Variants in NRXN3 observed in about 807,000 individuals in gnomAD.
NRXN3 encodes neurexin III.
Under a neutral mutation model 137.6 loss-of-function variants are expected in NRXN3, and 32 were observed. That is an observed-to-expected ratio of 0.23 (90% CI 0.18 to 0.31). The LOEUF is 0.31. Ranked by LOEUF, NRXN3 falls within the 10% of genes least tolerant of loss-of-function variation. The pLI is 1.00. For missense variants in NRXN3, 1,574 were observed against 2,062.5 expected, an observed-to-expected ratio of 0.76 and a Z score of 4.59; for synonymous variants, 798 against 784.5, an observed-to-expected ratio of 1.02 and a Z score of -0.29.
intron 15 of NRXN3, among the ~76,000 whole-genome samples, chr14:79,460,736 C>T (rs1600639517): frequency 6.6e-6 from 1 of 152,172 alleles, no homozygotes; most frequent in East Asian, 1.9e-4. Context: ...AGGGAGGGAA[C>T]CCTCACCTTG....
chr14:79,182,489 A>G (rs574285288), intron 15 of NRXN3, among the ~76,000 whole-genome samples: 2 of 152,166 alleles, frequency 1.3e-5, no homozygotes, highest in East Asian at 3.9e-4. Flanking sequence ...CCTAGTATGC[A>G]CAGTTCACAA....
At chr14:79,420,441 G>T (rs1040563212) in intron 15 of NRXN3, among the ~76,000 whole-genome samples, 1 of 152,040 alleles carries the variant, frequency 6.6e-6, no homozygotes, top group African/African-American at 2.4e-5. Context: ...ACTCCCACAT[G>T]CTTAGTGTTC....
At chr14:78,687,164 T>C (rs1161216166) in intron 6 of NRXN3, among the ~76,000 whole-genome samples, 1 of 152,060 alleles carries the variant, frequency 6.6e-6, no homozygotes, top group Non-Finnish European at 1.5e-5. Context: ...AAGAACAAAT[T>C]AGGGAAGGTC....
rs560245390 is a variant in NRXN3 at position 78,869,494 on chromosome 14, TCTC to T, written c.2275+59153_2275+59155del. On this transcript the variant is annotated intron_variant, in intron 10 of 20. Coordinates refer to ENST00000335750, the MANE Select transcript of NRXN3 (RefSeq NM_001330195.2). Reference sequence around the variant, plus strand: ...ACTTATGTTTCTCTGTGGTCTGGCTTCTCCTTACCTGTGCCACCTCCTCTCATG... The same window carrying T: ...ACTTATGTTTCTCTGTGGTCTGGCTTCTTACCTGTGCCACCTCCTCTCATG... 2.1e-3 allele frequency among the ~76,000 whole-genome samples: 315 copies of T among 152,260 alleles called. 1 individual carries two copies. The highest frequency in any genetic ancestry group is 3.3e-3 in the Non-Finnish European group (223 of 68,016).
At chr14:78,723,994 A>C (rs1222713974) in intron 8 of NRXN3, among the ~76,000 whole-genome samples, 1 of 152,258 alleles carries the variant, frequency 6.6e-6, no homozygotes, top group African/African-American at 2.4e-5. Flanking sequence ...GAATTGCATT[A>C]AAATGATCTG....
intron 1 of NRXN3, among the ~76,000 whole-genome samples, chr14:78,220,569 G>A (rs1287828545): frequency 1.3e-5 from 2 of 152,136 alleles, no homozygotes; most frequent in Non-Finnish European, 2.9e-5. Flanking sequence ...GATGAGTTTT[G>A]ATGGAGAAAA....
intron 15 of NRXN3, among the ~76,000 whole-genome samples, chr14:79,422,563 C>T (rs887561363): frequency 1.8e-4 from 27 of 151,996 alleles, no homozygotes; most frequent in African/African-American, 6.5e-4. Context: ...TGTAGAGCCA[C>T]ATAAGAAGGT....
chr14:79,814,290 C>A (rs1047925389), intron 20 of NRXN3, among the ~76,000 whole-genome samples: 1 of 152,212 alleles, frequency 6.6e-6, no homozygotes, highest in African/African-American at 2.4e-5. Context: ...TCTGTCTTGC[C>A]ATCTTGTCTT....
chr14:79,103,130 A>G (rs2051669836), intron 15 of NRXN3, among the ~76,000 whole-genome samples: 1 of 152,168 alleles, frequency 6.6e-6, no homozygotes, highest in Non-Finnish European at 1.5e-5. Flanking sequence ...CCTTGCTGCA[A>G]AAGTAAATGG....
At chr14:78,450,051 T>C (rs6574446) in intron 4 of NRXN3, among the ~76,000 whole-genome samples, 15,790 of 152,180 alleles carry the variant, frequency 0.1, 1,134 homozygotes, top group African/African-American at 0.19. Flanking sequence ...CTGAGGCATA[T>C]GGAAAGCTCA....
At chr14:78,254,938 C>T (rs767096529) in intron 2 of NRXN3, among the ~76,000 whole-genome samples, 28 of 151,754 alleles carry the variant, frequency 1.8e-4, no homozygotes, top group Non-Finnish European at 2.8e-4. Flanking sequence ...ATTCCCTGTG[C>T]GAAAATGCTT....
intron 15 of NRXN3, among the ~76,000 whole-genome samples, chr14:79,317,844 G>A (rs1488755568): frequency 1.3e-5 from 2 of 152,064 alleles, no homozygotes; most frequent in Admixed American, 6.6e-5. Context: ...ACATGTCTAC[G>A]TGTTAAAAAT....
At chr14:78,859,962 T>G (rs993280412) in intron 10 of NRXN3, among the ~76,000 whole-genome samples, 9 of 152,128 alleles carry the variant, frequency 5.9e-5, no homozygotes, top group African/African-American at 9.7e-5. Context: ...CAAGAGCTAC[T>G]GAAGATTATA....
chr14:79,147,174 T>A (rs1380219430), intron 15 of NRXN3, among the ~76,000 whole-genome samples: 1 of 152,168 alleles, frequency 6.6e-6, no homozygotes, highest in East Asian at 1.9e-4. Context: ...TCTTCTCCTT[T>A]CTCTTAACCC....
chr14:78,602,446 G>A (rs1219178137), intron 4 of NRXN3: 1 of 152,056 alleles, frequency 6.6e-6, no homozygotes, highest in African/African-American at 2.4e-5. Flanking sequence ...CCTTATTACT[G>A]ATGGCAGCAG....
chr14:79,797,158 C>G (rs2099163606), intron 19 of NRXN3, among the ~76,000 whole-genome samples: 1 of 152,026 alleles, frequency 6.6e-6, no homozygotes, highest in South Asian at 2.1e-4. Context: ...TTTTTTAATT[C>G]AGTTTTAGAG....
intron 19 of NRXN3, among the ~76,000 whole-genome samples, chr14:79,775,151 C>T (rs2099092726): frequency 6.6e-6 from 1 of 152,114 alleles, no homozygotes. Flanking sequence ...ATTCTATGAT[C>T]TATTAATGTC....
chr14:78,918,470 T>C (rs1040978629), intron 10 of NRXN3, among the ~76,000 whole-genome samples: 2 of 151,878 alleles, frequency 1.3e-5, no homozygotes, highest in Non-Finnish European at 2.9e-5. Flanking sequence ...CACGTTGGGG[T>C]TTGTATAAGT....
At chr14:78,839,535 A>G in intron 10 of NRXN3, among the ~76,000 whole-genome samples, 1 of 152,288 alleles carries the variant, frequency 6.6e-6, no homozygotes, top group South Asian at 2.1e-4. Context: ...TGACAGCACT[A>G]TCTGGAGTGA....
Sources: gnomAD v4.1 joint callset for allele counts (sites outside exome capture counted in the v4.1 genomes callset) on GRCh38, gnomAD v4.1.1 for gene constraint, MANE v1.5 for transcripts, NCBI Gene and HGNC (gene_info 2026-07-23, HGNC 2026-07-21) for gene names.